The following VIPR1 variants were observed in gnomAD, a reference collection of about 807,000 sequenced individuals.
VIPR1 encodes the protein vasoactive intestinal peptide receptor 1.
A neutral mutation model predicts 58.8 loss-of-function variants in VIPR1; 59 were observed. That is an observed-to-expected ratio of 1.00 (90% CI 0.81 to 1.25). VIPR1 has a LOEUF of 1.25. Among genes scored for constraint, VIPR1 ranks in the 50% most tolerant of loss-of-function variants. The pLI is 0.00. For synonymous variants in VIPR1, 251 were observed against 242.1 expected, an observed-to-expected ratio of 1.04 and a Z score of -0.34; for missense variants, 626 against 602.7, an observed-to-expected ratio of 1.04 and a Z score of -0.40.
At position 42,532,349 on chromosome 3, in the gene VIPR1, G is replaced by C. The variant is rs1306467459; in HGVS notation, c.1010+16G>C. On this transcript the variant is annotated intron_variant, in intron 10 of 12. Transcript: ENST00000325123. Reference sequence around the variant, plus strand: ...GTCCATACTCGTGAGTGTGGGCCTAGTGCCTCAGCCCCCAGTACCTCCATC... The same window carrying C: ...GTCCATACTCGTGAGTGTGGGCCTACTGCCTCAGCCCCCAGTACCTCCATC... 5 of 1,612,144 alleles carry C rather than the reference G, an allele frequency of 3.1e-6. No individual in the cohort carries two copies. Among genetic ancestry groups the C allele is most frequent in the Non-Finnish European group, 4.2e-6 (5 of 1,178,206 alleles).
chr3:42,527,865 G>A (rs1701316699), intron 5 of VIPR1, 126 bp from the exon 6 acceptor site: 1 of 1,356,686 alleles, frequency 7.4e-7, no homozygotes, highest in South Asian at 1.4e-5. Flanking sequence ...TCCCCTTTGA[G>A]GCGGGGCCTG....
chr3:42,523,918 A>G (rs922565774), intron 3 of VIPR1, among the ~76,000 whole-genome samples: 1 of 152,054 alleles, frequency 6.6e-6, no homozygotes, highest in African/African-American at 2.4e-5. Flanking sequence ...CCTGGGTTCA[A>G]GCGATTCTCC....
intron 2 of VIPR1, among the ~76,000 whole-genome samples, chr3:42,518,376 A>C (rs962841137): frequency 3.9e-5 from 6 of 152,132 alleles, no homozygotes; most frequent in Non-Finnish European, 8.8e-5. Context: ...AACAAAATAC[A>C]ATCTTCCCTC....
At chr3:42,528,762 T>G (rs1253855790) in intron 6 of VIPR1, 1 of 152,456 alleles carries the variant, frequency 6.6e-6, no homozygotes. Flanking sequence ...GCCCCAAGCT[T>G]TGACAGAGAG....
chr3:42,533,102 G>T (rs1013768436), intron 10 of VIPR1: 1 of 152,388 alleles, frequency 6.6e-6, no homozygotes, highest in Non-Finnish European at 1.5e-5. Context: ...GGGAGGCTGT[G>T]GGAAGGCAAG....
In VIPR1 at chr3:42,525,045, T is replaced by C. The variant is rs182281609; in HGVS notation, c.293-842T>C. ...ATGCTGCTCATGGTGACTATGGCGG[T>C]GGTGGTGGTGGTGATGAACGGGTAC... On this transcript the variant is annotated intron_variant, in intron 3 of 12. Transcript: ENST00000325123. 1.3e-3 allele frequency among the ~76,000 whole-genome samples: 201 copies of C among 152,122 alleles called. 2 individuals carry two copies. Among genetic ancestry groups the C allele is most frequent in the African/African-American group, 4.6e-3 (191 of 41,498 alleles).
intron 3 of VIPR1, among the ~76,000 whole-genome samples, chr3:42,520,294 G>C (rs1247196045): frequency 6.6e-6 from 1 of 152,230 alleles, no homozygotes; most frequent in Admixed American, 6.5e-5. Flanking sequence ...GGGCCTTGAG[G>C]ACAGAAGCGA....
At position 42,528,105 on chromosome 3, in the gene VIPR1, C is replaced by G; in HGVS notation, c.618C>G (p.Asp206Glu). 2.5e-6 allele frequency: 4 copies of G among 1,613,806 alleles called. No individual in the cohort carries two copies. Among genetic ancestry groups the G allele is most frequent in the Non-Finnish European group, 3.4e-6 (4 of 1,179,920 alleles). ...CCCTCTTCGACAGCGGGGAGTCGGA[C>G]CAGTGCTCCGAGGGCTCGGTGAGGA... ...DLALFDSGES[D>E]QCSEGSVGCK... is the part of the protein sequence containing the mutation. Residue 206 changes from aspartate to glutamate, a missense_variant, in exon 6 of 13, where the codon GAC becomes GAG. Physicochemically the swap from Asp to Glu is conservative, Grantham distance 45 (BLOSUM62 2). Coordinates refer to ENST00000325123, the MANE Select transcript of VIPR1 (RefSeq NM_004624.4).
rs186800587 is a variant in VIPR1, at chr3:42,522,758, G to C, written c.293-3129G>C. Among the ~76,000 whole-genome samples, 82 of 152,284 alleles carry C rather than the reference G, an allele frequency of 5.4e-4. No individual in the cohort carries two copies. The East Asian group carries it at 0.014, about 26-fold the overall frequency. On this transcript the variant is annotated intron_variant, in intron 3 of 12. Coordinates refer to ENST00000325123, the MANE Select transcript of VIPR1 (RefSeq NM_004624.4). ...GGGAGATGAGGTGGTGGTGGTGCTGGGGAAGAAGCTGGGACAGGACTGGTG... is the reference window on the plus strand; with the variant it reads ...GGGAGATGAGGTGGTGGTGGTGCTGCGGAAGAAGCTGGGACAGGACTGGTG...
intron 2 of VIPR1, 106 bp from the exon 3 acceptor site, chr3:42,519,117 G>A (rs969594590): frequency 2.5e-5 from 23 of 905,146 alleles, no homozygotes; most frequent in African/African-American, 3.5e-5. Context: ...CTTGAGGTGG[G>A]AGCCTGGCAG....
chr3:42,513,091 G>C (rs1006942169), intron 1 of VIPR1: 4 of 474,604 alleles, frequency 8.4e-6, no homozygotes, highest in Admixed American at 6.4e-5. Context: ...ATCCTAGAGG[G>C]GCTCTCTTAC....
At chr3:42,532,113 G>A (rs2125677924) in intron 9 of VIPR1, 129 bp from the exon 10 acceptor site, 2 of 1,031,200 alleles carry the variant, frequency 1.9e-6, no homozygotes, top group Non-Finnish European at 1.5e-6. Context: ...AAGGGGAAAT[G>A]CCAGAGGAGA....
intron 1 of VIPR1, among the ~76,000 whole-genome samples, chr3:42,507,525 T>C (rs1010440617): frequency 1.3e-5 from 2 of 152,238 alleles, no homozygotes; most frequent in African/African-American, 4.8e-5. Flanking sequence ...TGTGGCTGCC[T>C]GTGCTGGAGT....
At chr3:42,527,955 C>T in intron 5 of VIPR1, 36 bp from the exon 6 acceptor site, 2 of 1,605,154 alleles carry the variant, frequency 1.2e-6, no homozygotes, top group African/African-American at 1.3e-5. Flanking sequence ...GGATCCAAGG[C>T]CCCTTTGGCC....
Position 42,535,378 on chromosome 3 carries a change from T to A in VIPR1, c.1176T>A (p.Asn392Lys). Reference protein sequence around the residue: ...FVVAILYCFLNGEVQAELRRK... With the variant: ...FVVAILYCFLKGEVQAELRRK... ...TGGCTATCCTCTACTGCTTCCTCAA[T>A]GGTGAGGTAAGCCCCTCCCAGTCCT... is the stretch of plus-strand genomic sequence containing the variant. Residue 392 changes from asparagine (N) to lysine (K), a missense_variant, in exon 12 of 13, where the codon AAT becomes AAA. By Grantham distance (94) the Asn-to-Lys change is moderately conservative. Coordinates refer to ENST00000325123, the MANE Select transcript of VIPR1 (RefSeq NM_004624.4). The A allele has an allele frequency of 1.2e-6, 2 of 1,614,086 alleles. No individual in the cohort carries two copies. The highest frequency in any genetic ancestry group is 1.7e-4 in the Middle Eastern group (1 of 6,058).
At chr3:42,494,098 G>A (rs577277871) in intron 1 of VIPR1, among the ~76,000 whole-genome samples, 10 of 152,360 alleles carry the variant, frequency 6.6e-5, no homozygotes, top group East Asian at 1.9e-4. Flanking sequence ...TGGGGCAGCC[G>A]TGGTTTGTCT....
intron 3 of VIPR1, chr3:42,519,563 T>C (rs1043886079): frequency 7.8e-5 from 34 of 434,392 alleles, no homozygotes; most frequent in African/African-American, 5.8e-4. Flanking sequence ...TGCTCAACAA[T>C]TGATAACTGA....
At chr3:42,531,078 A>G (rs1366280376) in intron 7 of VIPR1, 146 bp downstream of exon 7, 4 of 1,086,002 alleles carry the variant, frequency 3.7e-6, no homozygotes, top group East Asian at 2.4e-5. Context: ...CCAAGGGTCA[A>G]GAAAGTCCTC....
intron 2 of VIPR1, among the ~76,000 whole-genome samples, chr3:42,517,699 C>T (rs1312066323): frequency 6.6e-6 from 1 of 152,200 alleles, no homozygotes; most frequent in Non-Finnish European, 1.5e-5. Context: ...GCGGGCTGGG[C>T]ACGGTGGCTC....
Sources: allele counts gnomAD v4.1 joint callset (sites outside exome capture counted in the v4.1 genomes callset), GRCh38; gene constraint gnomAD v4.1.1; transcripts MANE v1.5; gene names NCBI Gene and HGNC (gene_info 2026-07-23, HGNC 2026-07-21).